Variants in CNTNAP3 observed in about 807,000 individuals in gnomAD.
CNTNAP3 encodes contactin-associated protein-like 3.
In CNTNAP3, 36 loss-of-function variants were observed where a neutral mutation model predicts 92.1. That is an observed-to-expected ratio of 0.39 (90% confidence interval 0.30 to 0.52). The LOEUF (loss-of-function observed/expected upper bound fraction) is 0.52, where lower values mean the gene tolerates loss of function less well. Ranked by LOEUF, CNTNAP3 falls within the 20% of genes least tolerant of loss-of-function variation. The probability of loss-of-function intolerance (pLI) is 0.76; values close to 1 mark genes in which losing one functional copy is unlikely to be tolerated. For missense variants in CNTNAP3, 534 were observed against 1,069.6 expected, an observed-to-expected ratio of 0.50 and a Z score of 6.98; for synonymous variants, 232 against 422.3, an observed-to-expected ratio of 0.55 and a Z score of 5.53.
chr9:39,179,477 T>C (rs994724863), intron 4 of CNTNAP3, among the ~76,000 whole-genome samples: 1 of 13,262 alleles, frequency 7.5e-5, no homozygotes, highest in Non-Finnish European at 1.2e-4. Flanking sequence ...CTGCTGTAGC[T>C]TGTCAGAACT....
chr9:39,095,914 T>TA (rs894130527), intron 18 of CNTNAP3, among the ~76,000 whole-genome samples: 21 of 151,482 alleles, frequency 1.4e-4, no homozygotes, highest in African/African-American at 4.8e-4. Flanking sequence ...GTTCTCTTTT[T>TA]AAAAAATCTG....
At chr9:39,094,251 A>G (rs1826278528) in intron 18 of CNTNAP3, among the ~76,000 whole-genome samples, 1 of 151,576 alleles carries the variant, frequency 6.6e-6, no homozygotes, top group African/African-American at 2.4e-5. Context: ...AACATATTCT[A>G]GATAGTAAAC....
rs189519855 is a variant in CNTNAP3 at position 39,094,169 on chromosome 9, T to A, written c.2996-5522A>T. On this transcript the variant is annotated intron_variant, in intron 18 of 23. Coordinates refer to ENST00000297668, the MANE Select transcript of CNTNAP3 (RefSeq NM_033655.5). Reference sequence around the variant, plus strand: ...TCCATGTGATTATTGACTCTGTATATCTTTTTGGAGAAATGTCTCATCAAG... The same window carrying A: ...TCCATGTGATTATTGACTCTGTATAACTTTTTGGAGAAATGTCTCATCAAG... Among the ~76,000 whole-genome samples, 16 of 151,772 alleles carry A rather than the reference T, an allele frequency of 1.1e-4. No homozygotes were observed. In the East Asian group the frequency reaches 2.9e-3, roughly 27 times the overall value.
At position 39,099,934 on chromosome 9, in the gene CNTNAP3, T is replaced by C. The variant is rs189773311; in HGVS notation, c.2972A>G (p.Tyr991Cys). The C allele has an allele frequency of 9.1e-5, 146 of 1,611,292 alleles. 1 individual carries two copies. The East Asian group carries it at 3.1e-3, about 34-fold the overall frequency. The change falls in exon 18 of 24, where the codon TAT (tyrosine) becomes TGT (cysteine). Residue 991 changes from tyrosine to cysteine, a missense_variant. By Grantham distance (194) the Tyr-to-Cys change is radical (BLOSUM62 -2). Transcript: ENST00000297668. ...GVTCDCAFSA[Y>C]DGPFCSNEIS... is the part of the protein sequence containing the mutation. ...ACCATTGGAGCAGAACGGCCCATCA[T>C]AGGCTGAGAAGGCACAGTCACAGGT...
At chr9:39,095,024 T>A (rs535703603) in intron 18 of CNTNAP3, among the ~76,000 whole-genome samples, 2 of 145,866 alleles carry the variant, frequency 1.4e-5, no homozygotes, top group Non-Finnish European at 3.0e-5. Flanking sequence ...CAACGTTTTA[T>A]AGTTTTCAAT....
Position 39,070,471 on chromosome 9 carries a change from G to A in CNTNAP3, c.*3419C>T, listed in dbSNP as rs1197074162. On this transcript the variant is annotated 3_prime_UTR_variant, in exon 24 of 24. Coordinates refer to ENST00000297668, the MANE Select transcript of CNTNAP3 (RefSeq NM_033655.5). Reference sequence around the variant, plus strand: ...GTGGGATCTAAAAATCAAAACAACGGAATTCATGGATATAGAGTAGAAGGA... The same window carrying A: ...GTGGGATCTAAAAATCAAAACAACGAAATTCATGGATATAGAGTAGAAGGA... 1.4e-5 allele frequency among the ~76,000 whole-genome samples: 2 copies of A among 142,852 alleles called. No individual in the cohort carries two copies. The highest frequency in any genetic ancestry group is 3.0e-5 in the Non-Finnish European group (2 of 66,078). 93.7% of individuals were successfully genotyped at this position (142,852 alleles called of 152,430 possible).
At chr9:39,094,770 A>G (rs1826289901) in intron 18 of CNTNAP3, among the ~76,000 whole-genome samples, 1 of 151,652 alleles carries the variant, frequency 6.6e-6, no homozygotes, top group Non-Finnish European at 1.5e-5. Flanking sequence ...TTTGAAGTCA[A>G]GAAGGGTGAA....
At chr9:39,086,293 T>C (rs191907579) in intron 20 of CNTNAP3, 210 of 235,170 alleles carry the variant, frequency 8.9e-4, no homozygotes, top group Non-Finnish European at 1.6e-3. Context: ...TTAATAACTA[T>C]GTTGTGTGCT....
intron 18 of CNTNAP3, among the ~76,000 whole-genome samples, chr9:39,094,743 T>C (rs996401310): frequency 7.9e-5 from 12 of 151,694 alleles, no homozygotes; most frequent in East Asian, 1.9e-4. Flanking sequence ...TTTTGAATAA[T>C]GTAGTTTATA....
chr9:39,135,569 T>C (rs1181012498), intron 12 of CNTNAP3, among the ~76,000 whole-genome samples: 1 of 152,190 alleles, frequency 6.6e-6, no homozygotes, highest in Non-Finnish European at 1.5e-5. Flanking sequence ...TTTAACTTCA[T>C]GATTTTGATT....
Position 39,076,691 on chromosome 9 carries a change from G to A in CNTNAP3, c.3745+1694C>T, listed in dbSNP as rs1460942682. 1.4e-4 allele frequency among the ~76,000 whole-genome samples: 22 copies of A among 152,390 alleles called. No homozygotes were observed. The East Asian group carries it at 2.5e-3, about 17-fold the overall frequency. On this transcript the variant is annotated intron_variant, in intron 23 of 23. Transcript: ENST00000297668. ...CAATTAAGATTTCAATAACTCGGCC[G>A]GGCATGGTGGCTCATGCCTGTAATC...
intron 21 of CNTNAP3, among the ~76,000 whole-genome samples, chr9:39,080,326 C>G (rs905161180): frequency 1.5e-5 from 2 of 137,510 alleles, no homozygotes; most frequent in Non-Finnish European, 3.1e-5. Flanking sequence ...TGATGTCTGA[C>G]AACACTGGCC....
intron 19 of CNTNAP3, 86 bp from the exon 20 acceptor site, chr9:39,086,935 T>C: frequency 1.6e-6 from 1 of 644,804 alleles, no homozygotes; most frequent in South Asian, 2.0e-5. Flanking sequence ...TTTATTATTA[T>C]TTACTTACAG....
At position 39,132,959 on chromosome 9, in the gene CNTNAP3, C is replaced by A. The variant is rs763014631; in HGVS notation, c.2053G>T (p.Gly685Trp). ...RCEQRLALRC[G>W]TARRPDSRDG... ...CGTGAGTCCGGGCGCCGCGCCGTCCCGCAGCGCAGAGCCAGCCGCTGCTCG... is the reference window on the plus strand; with the variant it reads ...CGTGAGTCCGGGCGCCGCGCCGTCCAGCAGCGCAGAGCCAGCCGCTGCTCG... The change falls in exon 13 of 24, where the codon GGG becomes TGG. Residue 685 changes from glycine to tryptophan, a missense_variant. Coordinates refer to ENST00000297668, the MANE Select transcript of CNTNAP3 (RefSeq NM_033655.5). 3.0e-5 allele frequency: 46 copies of A among 1,548,144 alleles called. No individual in the cohort carries two copies. The highest frequency in any genetic ancestry group is 3.7e-5 in the Non-Finnish European group (43 of 1,157,090).
intron 13 of CNTNAP3, among the ~76,000 whole-genome samples, chr9:39,129,825 C>A (rs1270923610): frequency 6.6e-6 from 1 of 151,970 alleles, no homozygotes; most frequent in Non-Finnish European, 1.5e-5. Flanking sequence ...AAATGAACAA[C>A]AACAAAAACA....
intron 11 of CNTNAP3, among the ~76,000 whole-genome samples, chr9:39,143,338 A>T (rs147594667): frequency 2.0e-5 from 3 of 152,088 alleles, no homozygotes; most frequent in Non-Finnish European, 2.9e-5. Flanking sequence ...AGCGATTCTG[A>T]TTTAGTAAGT....
chr9:39,107,488 C>G (rs1188612607), intron 15 of CNTNAP3, among the ~76,000 whole-genome samples: 2 of 151,804 alleles, frequency 1.3e-5, no homozygotes, highest in African/African-American at 4.8e-5. Flanking sequence ...GAGTTTTACA[C>G]TATGGGAATA....
At chr9:39,148,222 G>A (rs889346041) in intron 10 of CNTNAP3, among the ~76,000 whole-genome samples, 4 of 152,018 alleles carry the variant, frequency 2.6e-5, no homozygotes, top group Admixed American at 6.6e-5. Flanking sequence ...AGAATGAGAG[G>A]TACTTGACAA....
At chr9:39,107,381 AGAGGGAGG>A (rs556174132) in intron 15 of CNTNAP3, among the ~76,000 whole-genome samples, 1 of 136,978 alleles carries the variant, frequency 7.3e-6, no homozygotes, top group Non-Finnish European at 1.6e-5. Context: ...AGGGAGAGAA[AGAGGGAGG>A]GAGGGAGGGA....
Sources: gnomAD v4.1 joint callset for allele counts (sites outside exome capture counted in the v4.1 genomes callset) on GRCh38, gnomAD v4.1.1 for gene constraint, MANE v1.5 for transcripts, NCBI Gene and HGNC (gene_info 2026-07-23, HGNC 2026-07-21) for gene names.